The following LAMA1 variants were observed in gnomAD, a reference collection of about 807,000 sequenced individuals.
LAMA1 encodes the protein laminin subunit alpha 1, also known as laminin subunit alpha-1.
In LAMA1, 219 loss-of-function variants were observed where a neutral mutation model predicts 348.7. The observed-to-expected ratio is 0.63, with a 90% CI of 0.56 to 0.70. The LOEUF is 0.70. LAMA1 is among the 30% of genes least tolerant of loss of function. The pLI is 0.00. For missense variants in LAMA1, 3,744 were observed against 3,888.0 expected, an observed-to-expected ratio of 0.96 and a Z score of 0.99; for synonymous variants, 1,487 against 1,491.0, an observed-to-expected ratio of 1.00 and a Z score of 0.06.
At chr18:7,073,579 T>C (rs1013036450) in intron 3 of LAMA1, among the ~76,000 whole-genome samples, 3 of 152,236 alleles carry the variant, frequency 2.0e-5, no homozygotes, top group Non-Finnish European at 4.4e-5. Context: ...CTGTGGTATG[T>C]GTCAAAATTT....
At position 6,997,876 on chromosome 18, in the gene LAMA1, C is replaced by G. The variant is rs750166147; in HGVS notation, c.4672G>C (p.Asp1558His). Reference protein sequence around the residue: ...LMETDCVSCDDECVGVLLNDL... With the variant: ...LMETDCVSCDHECVGVLLNDL... ...TTCAGCAGCACACCTACACACTCATCATCACAGGCTACAAGACAAATTTTT... is the reference window on the plus strand; with the variant it reads ...TTCAGCAGCACACCTACACACTCATGATCACAGGCTACAAGACAAATTTTT... Residue 1558 changes from aspartate to histidine, a missense_variant, in exon 33 of 63, where the codon GAT becomes CAT. Transcript: ENST00000389658. 1 of 1,614,134 alleles carries G rather than the reference C, an allele frequency of 6.2e-7. No individual in the cohort carries two copies. The highest frequency in any genetic ancestry group is 8.5e-7 in the Non-Finnish European group (1 of 1,180,032).
chr18:6,948,508 T>C lies in LAMA1; in HGVS notation c.8605A>G (p.Lys2869Glu), dbSNP rs370891110. Residue 2869 changes from lysine (K) to glutamate (E), a missense_variant, in exon 60 of 63, where the codon AAA becomes GAA. Around this residue, in one of 3 missense-constraint regions of LAMA1, gnomAD observed 1,983 missense variants for 1,934.3 expected, o/e 1.03. Coordinates refer to ENST00000389658, the MANE Select transcript of LAMA1 (RefSeq NM_005559.4). The part of the protein sequence containing the change: ...ACIGDVTVNS[K>E]QLDKDSPVSA... ...ACCGGGCTGTCCTTGTCCAGCTGTT[T>C]GCTGTTAACCGTCACATCCCCAATG... is the stretch of plus-strand genomic sequence containing the variant. 1.9e-6 allele frequency: 3 copies of C among 1,614,098 alleles called. No homozygotes were observed. Among genetic ancestry groups the C allele is most frequent in the Non-Finnish European group, 2.5e-6 (3 of 1,180,052 alleles).
At chr18:6,973,938 C>T (rs1478133661) in intron 46 of LAMA1, among the ~76,000 whole-genome samples, 1 of 152,126 alleles carries the variant, frequency 6.6e-6, no homozygotes, top group Non-Finnish European at 1.5e-5. Context: ...CACCACTGTG[C>T]TTGGATAAAT....
At chr18:7,038,756 C>T in intron 11 of LAMA1, 54 bp downstream of exon 11, 8 of 1,609,674 alleles carry the variant, frequency 5.0e-6, no homozygotes, top group Non-Finnish European at 6.8e-6. Context: ...TCGTGCCAAG[C>T]TTGTGCAATA....
In LAMA1 at chr18:6,983,162, G is replaced by A. The variant is rs1262898892; in HGVS notation, c.5733C>T (p.Ser1911=). Residue 1911 remains serine (S), a synonymous_variant, in exon 40 of 63, where the codon AGC becomes AGT. Transcript: ENST00000389658. ...CCAGTTCCTCCGATTCTTCAATCAG[G>A]CTCTGGATGTTGTAATGGACATAGG... ...SAAYVHYNIQ[S]LIEESEELAR... is the part of the protein sequence containing the mutation. 6.2e-7 allele frequency: 1 copy of A among 1,614,130 alleles called. No homozygotes were observed. Among genetic ancestry groups the A allele is most frequent in the Admixed American group, 1.7e-5 (1 of 60,012 alleles).
chr18:7,106,575 G>A (rs1441110479), intron 1 of LAMA1, among the ~76,000 whole-genome samples: 6 of 152,030 alleles, frequency 3.9e-5, no homozygotes, highest in Non-Finnish European at 1.5e-5. Context: ...GGTCATGATG[G>A]TTTCGAGCTC....
rs559723162 is a variant in LAMA1, at chr18:6,997,814, C to T, written c.4734G>A (p.Leu1578=). 101 of 1,614,088 alleles carry T rather than the reference C, an allele frequency of 6.3e-5. 2 individuals are homozygous for T. The South Asian group carries it at 1.1e-3, about 17-fold the overall frequency. ...GGACAGGGATAATGCCAGTGAGGTT[C>T]AGAGAAAGAACGGCATCACCAATCT... ...LDEIGDAVLS[L]NLTGIIPVPY... Residue 1578 remains leucine (L), a synonymous_variant, in exon 33 of 63, where the codon CTG becomes CTA. Coordinates refer to ENST00000389658, the MANE Select transcript of LAMA1 (RefSeq NM_005559.4).
chr18:7,037,586 C>T lies in LAMA1; in HGVS notation c.1729G>A (p.Gly577Arg), dbSNP rs1173369134. The change falls in exon 12 of 63, where the codon GGA becomes AGA. Residue 577 changes from glycine to arginine, a missense_variant. Around this residue, in one of 3 missense-constraint regions of LAMA1, gnomAD observed 1,529 missense variants for 1,689.4 expected, o/e 0.91. Coordinates refer to ENST00000389658, the MANE Select transcript of LAMA1 (RefSeq NM_005559.4). Reference protein sequence around the residue: ...YYWAAPEAYLGNKLTAFGGFL... With the variant: ...YYWAAPEAYLRNKLTAFGGFL... ...TGCAGGGTCACACGCACCTTATTTC[C>T]AAGGTAGGCCTCGGGGGCTGCCCAG... 1.2e-6 allele frequency: 2 copies of T among 1,613,972 alleles called. No homozygotes were observed. The highest frequency in any genetic ancestry group is 1.7e-6 in the Non-Finnish European group (2 of 1,179,980).
intron 60 of LAMA1, among the ~76,000 whole-genome samples, chr18:6,948,009 C>A (rs1419106224): frequency 6.6e-6 from 1 of 152,200 alleles, no homozygotes; most frequent in Non-Finnish European, 1.5e-5. Context: ...TGGCTTCCCC[C>A]TCTTCCCCAC....
intron 3 of LAMA1, among the ~76,000 whole-genome samples, chr18:7,070,842 C>G (rs1296360249): frequency 2.0e-5 from 3 of 151,682 alleles, no homozygotes; most frequent in Non-Finnish European, 4.4e-5. Context: ...GAAATGTTCT[C>G]CGGCTTTAAA....
Position 7,049,017 on chromosome 18 carries a change from G to A in LAMA1, c.768+61C>T, listed in dbSNP as rs769117337. The A allele has an allele frequency of 1.9e-5, 28 of 1,497,350 alleles. No homozygotes were observed. In the South Asian group the frequency reaches 2.9e-4, roughly 16 times the overall value. 92.8% of individuals were successfully genotyped at this position (1,497,350 alleles called of 1,614,324 possible). A position where few individuals can be genotyped will look rare whatever the true frequency, so the allele number is the denominator to read the frequency against. Reference sequence around the variant, plus strand: ...CAAAAAGGAAAGAAGAAAAATAATAGTTCCTTTAAATAAAATGAATCTTTT... The same window carrying A: ...CAAAAAGGAAAGAAGAAAAATAATAATTCCTTTAAATAAAATGAATCTTTT... On this transcript the variant is annotated intron_variant, in intron 5 of 62. Coordinates refer to ENST00000389658, the MANE Select transcript of LAMA1 (RefSeq NM_005559.4).
At chr18:7,007,482 A>C (rs1417074003) in intron 28 of LAMA1, among the ~76,000 whole-genome samples, 1 of 152,094 alleles carries the variant, frequency 6.6e-6, no homozygotes, top group African/African-American at 2.4e-5. Flanking sequence ...AAAAAAAAAA[A>C]AAAACTAACA....
At chr18:6,995,900 A>G (rs758292813) in intron 33 of LAMA1, among the ~76,000 whole-genome samples, 28 of 152,232 alleles carry the variant, frequency 1.8e-4, no homozygotes, top group Non-Finnish European at 3.8e-4. Flanking sequence ...AATTTCTTGT[A>G]TAATTTTATT....
Sources: allele counts gnomAD v4.1 joint callset (sites outside exome capture counted in the v4.1 genomes callset), GRCh38; gene constraint gnomAD v4.1.1; regional missense constraint gnomAD v4.1.1; transcripts MANE v1.5; gene names NCBI Gene and HGNC (gene_info 2026-07-23, HGNC 2026-07-21).